The following FRMD3 variants were observed in gnomAD, a reference collection of about 807,000 sequenced individuals.
The protein encoded by FRMD3 is FERM domain containing 3.
A neutral mutation model predicts 70.2 loss-of-function variants in FRMD3; 33 were observed. The ratio of observed to expected loss-of-function variants is 0.47; its 90% CI spans 0.36 to 0.63. FRMD3 has a LOEUF of 0.63. FRMD3 is among the 20% of genes least tolerant of loss of function. The pLI is 0.00. For missense variants in FRMD3, 632 were observed against 711.4 expected, an observed-to-expected ratio of 0.89 and a Z score of 1.27; for synonymous variants, 279 against 255.9, an observed-to-expected ratio of 1.09 and a Z score of -0.86.
At chr9:83,440,210 C>G (rs1288582143) in intron 1 of FRMD3, among the ~76,000 whole-genome samples, 1 of 152,208 alleles carries the variant, frequency 6.6e-6, no homozygotes, top group Non-Finnish European at 1.5e-5. Context: ...TTCACCTATA[C>G]TCTAATTCTG....
intron 3 of FRMD3, among the ~76,000 whole-genome samples, chr9:83,360,864 C>T (rs1390458332): frequency 1.3e-5 from 2 of 152,182 alleles, no homozygotes; most frequent in Non-Finnish European, 2.9e-5. Context: ...TTGTTACTGT[C>T]CTCTCCTTCC....
chr9:83,534,720 T>C (rs1191711966), intron 1 of FRMD3, among the ~76,000 whole-genome samples: 1 of 152,236 alleles, frequency 6.6e-6, no homozygotes, highest in African/African-American at 2.4e-5. Context: ...AAGGCATTTA[T>C]GCATATAGTT....
intron 1 of FRMD3, among the ~76,000 whole-genome samples, chr9:83,525,027 C>T (rs981842065): frequency 1.3e-5 from 2 of 151,470 alleles, no homozygotes; most frequent in Non-Finnish European, 2.9e-5. Context: ...ATTAATAAGG[C>T]TAATTAGTTA....
chr9:83,430,392 T>G lies in FRMD3; in HGVS notation c.148-40684A>C, dbSNP rs573730571. Among the ~76,000 whole-genome samples, 13 of 152,318 alleles carry G rather than the reference T, an allele frequency of 8.5e-5. No homozygotes were observed. The South Asian group carries it at 2.7e-3, about 32-fold the overall frequency. On this transcript the variant is annotated intron_variant, in intron 1 of 13. Transcript: ENST00000304195. ...TACCAGCCACCATATTGAGAAATTT[T>G]TATCCCTGTACATGTGTATAAGTAC...
intron 1 of FRMD3, among the ~76,000 whole-genome samples, chr9:83,499,676 C>T (rs1829019692): frequency 6.6e-6 from 1 of 152,194 alleles, no homozygotes; most frequent in Admixed American, 6.5e-5. Flanking sequence ...GCAGAAGCTT[C>T]ATTCACTGTT....
chr9:83,514,434 C>T (rs937898490), intron 1 of FRMD3, among the ~76,000 whole-genome samples: 2 of 152,170 alleles, frequency 1.3e-5, no homozygotes, highest in Non-Finnish European at 2.9e-5. Context: ...CTGGGCAGGC[C>T]ATCTCTGAAA....
intron 1 of FRMD3, among the ~76,000 whole-genome samples, chr9:83,396,494 C>T (rs1414701998): frequency 6.6e-6 from 1 of 152,180 alleles, no homozygotes; most frequent in Non-Finnish European, 1.5e-5. Flanking sequence ...GACCCAATCG[C>T]ATCTGAGGGC....
intron 1 of FRMD3, among the ~76,000 whole-genome samples, chr9:83,407,853 CTCTCTCTCTCTCTCTCTCTCATCTT>C (rs1262786335): frequency 6.2e-4 from 81 of 130,740 alleles, no homozygotes; most frequent in African/African-American, 2.4e-3. Flanking sequence ...CTCTCTCTCT[CTCTCTCTCTCTCTCTCTCTCATCTT>C]TCTCTCTCTC....
intron 12 of FRMD3, chr9:83,297,542 G>C: frequency 3.3e-6 from 1 of 306,782 alleles, no homozygotes; most frequent in South Asian, 3.0e-5. Flanking sequence ...TTCTGAAACA[G>C]ATGAATGATA....
intron 1 of FRMD3, among the ~76,000 whole-genome samples, chr9:83,407,350 G>T (rs1277251038): frequency 2.0e-5 from 3 of 152,032 alleles, no homozygotes; most frequent in African/African-American, 4.8e-5. Flanking sequence ...TTCTAAAAAT[G>T]GCCAACCCCA....
intron 10 of FRMD3, among the ~76,000 whole-genome samples, chr9:83,304,496 T>A (rs574972612): frequency 6.6e-6 from 1 of 152,232 alleles, no homozygotes. Context: ...TGCATTCAAG[T>A]GTGAGAGGCA....
At chr9:83,334,063 A>G (rs1034006938) in intron 6 of FRMD3, among the ~76,000 whole-genome samples, 22 of 151,996 alleles carry the variant, frequency 1.4e-4, no homozygotes, top group Admixed American at 5.2e-4. Flanking sequence ...TTCCATTCCC[A>G]TCTCCTATCA....
At position 83,377,153 on chromosome 9, in the gene FRMD3, A is replaced by G. The variant is rs867213703; in HGVS notation, c.253-4198T>C. Among the ~76,000 whole-genome samples the G allele has an allele frequency of 3.9e-5, 6 of 152,298 alleles. No individual in the cohort carries two copies. In the South Asian group the frequency reaches 8.3e-4, roughly 21 times the overall value. On this transcript the variant is annotated intron_variant, in intron 2 of 13. Transcript: ENST00000304195. ...TACTAAGAGACAGCCAGAAATTGGGAAAGTTTGGGAGGCTTTGAACTACTT... is the reference window on the plus strand; with the variant it reads ...TACTAAGAGACAGCCAGAAATTGGGGAAGTTTGGGAGGCTTTGAACTACTT...
At chr9:83,476,384 A>AG in intron 1 of FRMD3, among the ~76,000 whole-genome samples, 1 of 9,304 alleles carries the variant, frequency 1.1e-4, no homozygotes, top group South Asian at 2.3e-3. Flanking sequence ...ACTCTCTCTC[A>AG]AAAAAAAAAA....
chr9:83,451,321 G>T (rs1189735406), intron 1 of FRMD3, among the ~76,000 whole-genome samples: 2 of 151,340 alleles, frequency 1.3e-5, no homozygotes, highest in East Asian at 3.9e-4. Context: ...AAGAAGAAGA[G>T]CAATAGATAG....
At chr9:83,547,948 C>T in the FRMD3 span, among the ~76,000 whole-genome samples, 4 of 152,114 alleles carry the variant, frequency 2.6e-5, no homozygotes, top group Admixed American at 1.3e-4. Context: ...ATGCTGATGG[C>T]AAATAAGTAT....
chr9:83,253,866 A>C (rs1332137702), intron 13 of FRMD3, among the ~76,000 whole-genome samples: 4 of 152,246 alleles, frequency 2.6e-5, no homozygotes, highest in Admixed American at 2.0e-4. Flanking sequence ...GAACCAACCC[A>C]AATGTCCATC....
At chr9:83,369,551 T>C (rs1399268359) in intron 3 of FRMD3, among the ~76,000 whole-genome samples, 1 of 151,568 alleles carries the variant, frequency 6.6e-6, no homozygotes, top group Non-Finnish European at 1.5e-5. Context: ...CACTGTAGCC[T>C]GGATGACAGA....
chr9:83,268,061 C>A (rs1833359369), intron 13 of FRMD3, among the ~76,000 whole-genome samples: 1 of 152,194 alleles, frequency 6.6e-6, no homozygotes, highest in African/African-American at 2.4e-5. Context: ...CCTAGGCTTC[C>A]AATTAATATC....
Sources: gnomAD v4.1 joint callset for allele counts (sites outside exome capture counted in the v4.1 genomes callset) on GRCh38, gnomAD v4.1.1 for gene constraint, MANE v1.5 for transcripts, NCBI Gene and HGNC (gene_info 2026-07-23, HGNC 2026-07-21) for gene names.